The following ABI2 variants were observed in gnomAD, a reference collection of about 807,000 sequenced individuals.
The protein encoded by ABI2 is abelson interactor 2.
Under a neutral mutation model 59.2 loss-of-function variants are expected in ABI2, and 25 were observed. The observed-to-expected ratio is 0.42, with a 90% CI of 0.31 to 0.59. The LOEUF is 0.59. Ranked by LOEUF, ABI2 falls within the 20% of genes least tolerant of loss-of-function variation. The pLI, the probability that ABI2 is intolerant of heterozygous loss-of-function variation, is 0.14. For synonymous variants in ABI2, 213 were observed against 235.5 expected, an observed-to-expected ratio of 0.90 and a Z score of 0.87; for missense variants, 545 against 681.8, an observed-to-expected ratio of 0.80 and a Z score of 2.23.
At chr2:203,389,759 G>T (rs2096668021) in intron 4 of ABI2, among the ~76,000 whole-genome samples, 1 of 152,094 alleles carries the variant, frequency 6.6e-6, no homozygotes, top group Non-Finnish European at 1.5e-5. Context: ...TTAACCCATT[G>T]GTAGTCTCAA....
At chr2:203,388,571 C>T (rs1243667049) in intron 4 of ABI2, among the ~76,000 whole-genome samples, 2 of 151,990 alleles carry the variant, frequency 1.3e-5, no homozygotes, top group Non-Finnish European at 2.9e-5. Context: ...ATCCCAGCTA[C>T]TCGGGAGGCT....
At chr2:203,385,139 C>CTTATTTTTTTTTTTTTTTTTTTTTTT (rs2096428556) in intron 4 of ABI2, among the ~76,000 whole-genome samples, 1 of 69,938 alleles carries the variant, frequency 1.4e-5, no homozygotes, top group Admixed American at 1.9e-4. Context: ...GGCTCAGATT[C>CTTATTTTTTTTTTTTTTTTTTTTTTT]TTTTTTTTTT....
chr2:203,429,749 C>CCT lies in ABI2; in HGVS notation c.*2398_*2399insTC, dbSNP rs1429452006. On this transcript the variant is annotated 3_prime_UTR_variant, in exon 12 of 12. Transcript: ENST00000261018. ...TCCAGCCTGGTGACAGAGCGAGACTCCATCAAAAAAAAAAAAAAAAAGTTC... is the reference window on the plus strand; with the variant it reads ...TCCAGCCTGGTGACAGAGCGAGACTCCTCATCAAAAAAAAAAAAAAAAAGTTC... 4 of 84,666 alleles carry CCT rather than the reference C, an allele frequency of 4.7e-5. No individual in the cohort carries two copies. The highest frequency in any genetic ancestry group is 2.1e-4 in the African/African-American group (4 of 19,284). The allele number at this position is 84,666 out of a possible 1,614,324, so 5.2% of individuals were successfully genotyped here.
chr2:203,379,532 C>T (rs142583475), intron 2 of ABI2, among the ~76,000 whole-genome samples: 114 of 152,218 alleles, frequency 7.5e-4, no homozygotes, highest in Middle Eastern at 3.4e-3. Context: ...AGCCACTGTG[C>T]CTGGCTTTAT....
Position 203,346,600 on chromosome 2 carries a change from T to A in ABI2, c.117+17969T>A, listed in dbSNP as rs553307215. On this transcript the variant is annotated intron_variant, in intron 1 of 11. Coordinates refer to ENST00000261018, the MANE Select transcript of ABI2 (RefSeq NM_001375670.1). Reference sequence around the variant, plus strand: ...TCATTGTCTGTTGAGTTGAATTAACTCTTTCTCCCCCACCACATTTAACTC... The same window carrying A: ...TCATTGTCTGTTGAGTTGAATTAACACTTTCTCCCCCACCACATTTAACTC... Among the ~76,000 whole-genome samples, 8 of 152,364 alleles carry A rather than the reference T, an allele frequency of 5.3e-5. No individual in the cohort carries two copies. The East Asian group carries it at 1.5e-3, about 29-fold the overall frequency.
chr2:203,364,325 C>T (rs186510274), intron 1 of ABI2, among the ~76,000 whole-genome samples: 113 of 148,438 alleles, frequency 7.6e-4, no homozygotes, highest in African/African-American at 2.3e-3. Flanking sequence ...AATTCCTGAC[C>T]TCAAATGATC....
At chr2:203,352,622 A>G (rs2089531243) in intron 1 of ABI2, among the ~76,000 whole-genome samples, 1 of 152,232 alleles carries the variant, frequency 6.6e-6, no homozygotes, top group South Asian at 2.1e-4. Context: ...ATGTTGTACA[A>G]CTGCATAATG....
intron 4 of ABI2, among the ~76,000 whole-genome samples, chr2:203,384,317 T>TG (rs1559289797): frequency 4.0e-5 from 5 of 126,468 alleles, no homozygotes; most frequent in Middle Eastern, 4.1e-3. Flanking sequence ...TTTTTTTTTT[T>TG]TTTTTTTGAG....
intron 1 of ABI2, among the ~76,000 whole-genome samples, chr2:203,358,579 T>C (rs190127347): frequency 1.3e-5 from 2 of 152,378 alleles, no homozygotes; most frequent in African/African-American, 4.8e-5. Flanking sequence ...TCGTTTCTGC[T>C]TCTTTATGCA....
At chr2:203,343,445 C>G (rs2081274121) in intron 1 of ABI2, among the ~76,000 whole-genome samples, 1 of 152,122 alleles carries the variant, frequency 6.6e-6, no homozygotes, top group East Asian at 1.9e-4. Context: ...GCATTATATT[C>G]CAGGTTTTTT....
rs1312712237 is a variant in ABI2 at position 203,368,984 on chromosome 2, A to AATTTTTT, written c.285+1940_285+1941insATTTTTT. 3.3e-5 allele frequency among the ~76,000 whole-genome samples: 3 copies of AATTTTTT among 91,118 alleles called. 1 individual carries two copies. Among genetic ancestry groups the AATTTTTT allele is most frequent in the Non-Finnish European group, 6.2e-5 (3 of 48,338 alleles). 59.8% of individuals were successfully genotyped at this position (91,118 alleles called of 152,430 possible). ...TACAGGCACGTGCCATGCTTGGCTG[A>AATTTTTT]TTTTTTTTTTTTTTTTTTTTTTTTT... is the stretch of plus-strand genomic sequence containing the variant. On this transcript the variant is annotated intron_variant, in intron 2 of 11. Coordinates refer to ENST00000261018, the MANE Select transcript of ABI2 (RefSeq NM_001375670.1).
rs2095490642 is a variant in ABI2 at position 203,373,857 on chromosome 2, T to G, written c.286-6351T>G. 2.0e-5 allele frequency among the ~76,000 whole-genome samples: 3 copies of G among 152,136 alleles called. No homozygotes were observed. The South Asian group carries it at 6.2e-4, about 32-fold the overall frequency. Reference sequence around the variant, plus strand: ...TAAGAACTCAACAAGTAGGGTAGCTTTTACTGTCTAAAAACTTTAGGCTGG... The same window carrying G: ...TAAGAACTCAACAAGTAGGGTAGCTGTTACTGTCTAAAAACTTTAGGCTGG... On this transcript the variant is annotated intron_variant, in intron 2 of 11. Coordinates refer to ENST00000261018, the MANE Select transcript of ABI2 (RefSeq NM_001375670.1).
At chr2:203,406,786 C>T (rs370781655) in intron 9 of ABI2, among the ~76,000 whole-genome samples, 1 of 152,120 alleles carries the variant, frequency 6.6e-6, no homozygotes, top group African/African-American at 2.4e-5. Flanking sequence ...GCCTCAGCCT[C>T]CCGAGTAGTT....
chr2:203,380,996 T>G (rs755831276), intron 3 of ABI2, among the ~76,000 whole-genome samples: 1 of 152,198 alleles, frequency 6.6e-6, no homozygotes, highest in Non-Finnish European at 1.5e-5. Context: ...GATTCAGAGC[T>G]TTAGCTGAGT....
intron 9 of ABI2, among the ~76,000 whole-genome samples, chr2:203,410,876 AAAC>A (rs1431242226): frequency 1.3e-5 from 2 of 152,018 alleles, no homozygotes; most frequent in South Asian, 2.1e-4. Context: ...AAAATTCAGA[AAAC>A]AACATCATGG....
chr2:203,333,697 A>G (rs1023832634), intron 1 of ABI2, among the ~76,000 whole-genome samples: 2 of 152,314 alleles, frequency 1.3e-5, no homozygotes, highest in East Asian at 1.9e-4. Context: ...ACCTTTGACA[A>G]GATTGCAAAA....
intron 9 of ABI2, among the ~76,000 whole-genome samples, chr2:203,402,965 AT>A (rs1390914239): frequency 6.6e-6 from 1 of 152,146 alleles, no homozygotes; most frequent in Admixed American, 6.6e-5. Flanking sequence ...TCTGAGCAGA[AT>A]TTTTTTGAAT....
intron 1 of ABI2, chr2:203,355,124 C>T: frequency 2.8e-6 from 1 of 361,058 alleles, no homozygotes; most frequent in South Asian, 2.1e-5. Context: ...GATGTAGATC[C>T]TATTTTCTGG....
chr2:203,425,252 C>A (rs1166873332), intron 11 of ABI2, among the ~76,000 whole-genome samples: 1 of 151,970 alleles, frequency 6.6e-6, no homozygotes, highest in Non-Finnish European at 1.5e-5. Context: ...AGACAAGAGT[C>A]TCACTCTGTC....
Sources: allele counts gnomAD v4.1 joint callset (sites outside exome capture counted in the v4.1 genomes callset), GRCh38; gene constraint gnomAD v4.1.1; transcripts MANE v1.5; gene names NCBI Gene and HGNC (gene_info 2026-07-23, HGNC 2026-07-21).